PRKAG2: variants seen among roughly 807,000 people sequenced by gnomAD.
PRKAG2 encodes 5'-AMP-activated protein kinase subunit gamma-2.
A neutral mutation model predicts 69.6 loss-of-function variants in PRKAG2; 26 were observed. The ratio of observed to expected loss-of-function variants is 0.37; its 90% CI spans 0.27 to 0.52. PRKAG2 has a LOEUF of 0.52. Ranked by LOEUF, PRKAG2 falls within the 20% of genes least tolerant of loss-of-function variation. The probability of loss-of-function intolerance (pLI) is 0.90; values close to 1 mark genes in which losing one functional copy is unlikely to be tolerated. For synonymous variants in PRKAG2, 293 were observed against 285.0 expected (o/e 1.03, Z -0.28); for missense variants, 557 against 740.0 (o/e 0.75, Z 2.87).
intron 1 of PRKAG2, among the ~76,000 whole-genome samples, chr7:151,858,442 G>A (rs1489624878): frequency 2.6e-5 from 4 of 152,122 alleles, no homozygotes; most frequent in Non-Finnish European, 2.9e-5. Flanking sequence ...TGTCACTTTC[G>A]GTATCCAGGT....
chr7:151,851,137 C>T (rs1435713662), intron 1 of PRKAG2, among the ~76,000 whole-genome samples: 1 of 152,114 alleles, frequency 6.6e-6, no homozygotes, highest in Admixed American at 6.5e-5. Flanking sequence ...ACAAAACAAA[C>T]ACACACAACT....
At chr7:151,693,496 C>T (rs144349003) in intron 3 of PRKAG2, among the ~76,000 whole-genome samples, 20 of 152,308 alleles carry the variant, frequency 1.3e-4, no homozygotes, top group Non-Finnish European at 2.2e-4. Context: ...AATGGCTGCA[C>T]CTTGAGAGCT....
At position 151,784,513 on chromosome 7, in the gene PRKAG2, T is replaced by A. The variant is rs532354384; in HGVS notation, c.186+1957A>T. On this transcript the variant is annotated intron_variant, in intron 2 of 15. Coordinates refer to ENST00000287878, the MANE Select transcript of PRKAG2 (RefSeq NM_016203.4). Reference sequence around the variant, plus strand: ...CTGACCCAGAGGAGGCCCTGACAGCTGGCTAGGCTTCAGAGACGCAGTGAC... The same window carrying A: ...CTGACCCAGAGGAGGCCCTGACAGCAGGCTAGGCTTCAGAGACGCAGTGAC... Among the ~76,000 whole-genome samples the A allele has an allele frequency of 2.2e-4, 34 of 152,244 alleles. No homozygotes were observed. The South Asian group carries it at 6.9e-3, about 31-fold the overall frequency.
intron 1 of PRKAG2, among the ~76,000 whole-genome samples, chr7:151,802,032 G>A (rs2077866628): frequency 6.6e-6 from 1 of 152,130 alleles, no homozygotes; most frequent in Admixed American, 6.5e-5. Flanking sequence ...AGGGCCTGGT[G>A]GCTGCTGAGA....
chr7:151,722,575 C>T lies in PRKAG2; in HGVS notation c.467-46938G>A, dbSNP rs943880531. On this transcript the variant is annotated intron_variant, in intron 3 of 15. Transcript: ENST00000287878. ...TCGGCTTTGATAAAGGAATGCTAGACTTTAGCAGGTGAGTGGCGGGGGTAG... is the reference window on the plus strand; with the variant it reads ...TCGGCTTTGATAAAGGAATGCTAGATTTTAGCAGGTGAGTGGCGGGGGTAG... Among the ~76,000 whole-genome samples, 3 of 152,124 alleles carry T rather than the reference C, an allele frequency of 2.0e-5. No individual in the cohort carries two copies. The East Asian group carries it at 5.8e-4, about 29-fold the overall frequency.
rs572193658 is a variant in PRKAG2, at chr7:151,687,686, A to AC, written c.467-12050dup. Among the ~76,000 whole-genome samples the AC allele has an allele frequency of 2.2e-3, 336 of 151,818 alleles. 1 individual carries two copies. The highest frequency in any genetic ancestry group is 7.7e-3 in the African/African-American group (318 of 41,354). ...AGGTGAAGTGTGTGGCCGAGGATCT[A>AC]CCCCCCACCCCAGAAGCAGGTCCAC... On this transcript the variant is annotated intron_variant, in intron 3 of 15. Coordinates refer to ENST00000287878, the MANE Select transcript of PRKAG2 (RefSeq NM_016203.4).
chr7:151,746,641 G>A (rs1264230699), intron 3 of PRKAG2, among the ~76,000 whole-genome samples: 1 of 152,250 alleles, frequency 6.6e-6, no homozygotes, highest in Non-Finnish European at 1.5e-5. Context: ...GTGCCCGAAA[G>A]GACCTCGCGT....
intron 1 of PRKAG2, among the ~76,000 whole-genome samples, chr7:151,870,345 C>G (rs535934158): frequency 6.6e-6 from 1 of 152,306 alleles, no homozygotes; most frequent in East Asian, 1.9e-4. Flanking sequence ...GGGTCCCACC[C>G]TCAGGCATTC....
At chr7:151,848,652 G>T (rs1029951643) in intron 1 of PRKAG2, among the ~76,000 whole-genome samples, 1 of 149,088 alleles carries the variant, frequency 6.7e-6, no homozygotes, top group Admixed American at 6.8e-5. Context: ...AGCCTCCTGA[G>T]TAGCTGGGAT....
intron 3 of PRKAG2, among the ~76,000 whole-genome samples, chr7:151,676,929 C>T (rs185186185): frequency 1.4e-3 from 210 of 152,298 alleles, no homozygotes; most frequent in Admixed American, 3.7e-3. Flanking sequence ...GCAGCCAAGG[C>T]GCGATGGGGA....
intron 3 of PRKAG2, among the ~76,000 whole-genome samples, chr7:151,750,761 G>A (rs111849996): frequency 0.037 from 5,582 of 151,896 alleles, 329 homozygotes; most frequent in African/African-American, 0.13. Context: ...TGTTCCTGTC[G>A]TCCCAGCTAC....
chr7:151,662,488 C>T (rs1830469653), intron 4 of PRKAG2, among the ~76,000 whole-genome samples: 1 of 152,238 alleles, frequency 6.6e-6, no homozygotes, highest in Admixed American at 6.5e-5. Context: ...TGAATCTCCA[C>T]TCCTGTGGCT....
intron 1 of PRKAG2, among the ~76,000 whole-genome samples, chr7:151,820,059 C>T (rs1250183433): frequency 6.6e-6 from 1 of 152,242 alleles, no homozygotes; most frequent in African/African-American, 2.4e-5. Context: ...AGAGATATGC[C>T]TATCCACTGG....
At chr7:151,853,803 G>A (rs970463282) in intron 1 of PRKAG2, among the ~76,000 whole-genome samples, 15 of 150,390 alleles carry the variant, frequency 1.0e-4, no homozygotes, top group Non-Finnish European at 1.6e-4. Context: ...ATTCCACGCA[G>A]TTTAACCTAA....
chr7:151,870,156 GGC>G (rs1263652636), intron 1 of PRKAG2, among the ~76,000 whole-genome samples: 29,550 of 117,848 alleles, frequency 0.25, 3,645 homozygotes, highest in Non-Finnish European at 0.29. Flanking sequence ...TAGATAGATA[GGC>G]AGGCAGGCAG....
rs2077138268 is a variant in PRKAG2, at chr7:151,788,873, C to T, written c.115-2332G>A. ...TTTCATTCTTTTACATGTAGATAGC[C>T]AGTTTTCCCAGCACTATTTGTTGAA... On this transcript the variant is annotated intron_variant, in intron 1 of 15. Transcript: ENST00000287878. The surrounding 1 kb of genome is among the most constrained non-coding windows in gnomAD (Gnocchi z 4.6). Among the ~76,000 whole-genome samples the T allele has an allele frequency of 6.6e-6, 1 of 152,140 alleles. No individual in the cohort carries two copies. Among genetic ancestry groups the T allele is most frequent in the Admixed American group, 6.5e-5 (1 of 15,270 alleles).
At chr7:151,822,952 G>A (rs188457648) in intron 1 of PRKAG2, among the ~76,000 whole-genome samples, 120 of 152,308 alleles carry the variant, frequency 7.9e-4, no homozygotes, top group African/African-American at 2.7e-3. Flanking sequence ...GAAGCTGAGT[G>A]GCCGCCAAGC....
intron 4 of PRKAG2, among the ~76,000 whole-genome samples, chr7:151,635,032 C>A (rs773450012): frequency 6.6e-6 from 1 of 151,754 alleles, no homozygotes; most frequent in African/African-American, 2.4e-5. Context: ...TCACTGCAAC[C>A]TCTACCTCCC....
At chr7:151,797,067 C>T (rs931228359) in intron 1 of PRKAG2, among the ~76,000 whole-genome samples, 3 of 152,170 alleles carry the variant, frequency 2.0e-5, no homozygotes, top group African/African-American at 4.8e-5. Context: ...GCCCGGCCAG[C>T]CAGCTGCAGA....
Sources: gnomAD v4.1 joint callset for allele counts (sites outside exome capture counted in the v4.1 genomes callset) on GRCh38, gnomAD v4.1.1 for gene constraint, Gnocchi (gnomAD v3.1) non-coding constraint, MANE v1.5 for transcripts, NCBI Gene and HGNC (gene_info 2026-07-23, HGNC 2026-07-21) for gene names.